The following JAZF1 variants were observed in gnomAD, a reference collection of about 807,000 sequenced individuals.
JAZF1 encodes JAZF zinc finger 1.
In JAZF1, 8 loss-of-function variants were observed where a neutral mutation model predicts 26.4. The ratio of observed to expected loss-of-function variants is 0.30; its 90% CI spans 0.18 to 0.55. The LOEUF is 0.55. Ranked by LOEUF, JAZF1 falls within the 20% of genes least tolerant of loss-of-function variation. The pLI is 0.94. For synonymous variants in JAZF1, 126 were observed against 122.3 expected (o/e 1.03, Z -0.20); for missense variants, 199 against 322.0 (o/e 0.62, Z 2.92).
At chr7:28,168,070 T>C (rs928157121) in intron 1 of JAZF1, among the ~76,000 whole-genome samples, 2 of 152,162 alleles carry the variant, frequency 1.3e-5, no homozygotes, top group African/African-American at 4.8e-5. Context: ...AACCCATCTG[T>C]ATTAGTTACC....
chr7:27,887,426 A>ATTTC (rs1247387467), intron 3 of JAZF1, among the ~76,000 whole-genome samples: 2 of 151,880 alleles, frequency 1.3e-5, no homozygotes, highest in Non-Finnish European at 2.9e-5. Context: ...TTATTTATTT[A>ATTTC]TTTATTTGAG....
intron 2 of JAZF1, among the ~76,000 whole-genome samples, chr7:27,939,316 G>T (rs1229672047): frequency 1.3e-5 from 2 of 152,232 alleles, no homozygotes; most frequent in African/African-American, 2.4e-5. Flanking sequence ...TAAAATAGGT[G>T]GAAATCACAG....
Position 27,831,379 on chromosome 7 carries a change from C to A in JAZF1, c.*1421G>T, listed in dbSNP as rs1037870047. The stretch of plus-strand genomic sequence containing the variant: ...AAGCAATTTGAGTTTGTTTTATGGG[C>A]AGTTAGCTATCTCAAAGCATTTTTT... On this transcript the variant is annotated 3_prime_UTR_variant, in exon 5 of 5. Coordinates refer to ENST00000283928, the MANE Select transcript of JAZF1 (RefSeq NM_175061.4). 4.4e-6 allele frequency: 1 copy of A among 227,378 alleles called. No individual in the cohort carries two copies. Among genetic ancestry groups the A allele is most frequent in the African/African-American group, 2.2e-5 (1 of 45,018 alleles). 14.1% of individuals were successfully genotyped at this position (227,378 alleles called of 1,614,324 possible). A position where few individuals can be genotyped will look rare whatever the true frequency, so the allele number is the denominator to read the frequency against.
At chr7:27,863,063 T>C (rs1783411117) in intron 3 of JAZF1, among the ~76,000 whole-genome samples, 1 of 152,170 alleles carries the variant, frequency 6.6e-6, no homozygotes, top group Non-Finnish European at 1.5e-5. Flanking sequence ...GACAGGGCTG[T>C]CTGGGCTTCT....
intron 3 of JAZF1, among the ~76,000 whole-genome samples, chr7:27,849,328 C>T (rs1304277386): frequency 1.3e-5 from 2 of 152,216 alleles, no homozygotes; most frequent in Non-Finnish European, 2.9e-5. Context: ...GTGGTCCAGT[C>T]TTCCAAAGGC....
intron 2 of JAZF1, among the ~76,000 whole-genome samples, chr7:27,972,496 T>G (rs1209476604): frequency 6.6e-6 from 1 of 152,162 alleles, no homozygotes; most frequent in Non-Finnish European, 1.5e-5. Context: ...ATGTTGGCCA[T>G]GATAAGAAGT....
chr7:27,979,405 T>TC (rs1368873651), intron 2 of JAZF1, among the ~76,000 whole-genome samples: 1 of 84,190 alleles, frequency 1.2e-5, no homozygotes, highest in African/African-American at 4.8e-5. Flanking sequence ...TTTTTTTTTT[T>TC]AGAAACAGAG....
At chr7:28,027,999 G>A (rs1490502679) in intron 1 of JAZF1, among the ~76,000 whole-genome samples, 3 of 152,118 alleles carry the variant, frequency 2.0e-5, no homozygotes, top group Non-Finnish European at 4.4e-5. Flanking sequence ...AAACCCAGAT[G>A]ATCATGAAGA....
intron 2 of JAZF1, among the ~76,000 whole-genome samples, chr7:27,966,287 C>T (rs1785273909): frequency 6.6e-6 from 1 of 152,136 alleles, no homozygotes; most frequent in Admixed American, 6.5e-5. Context: ...GAGGGTGCTG[C>T]TTTTCTTTAA....
chr7:27,968,398 T>G (rs929245857), intron 2 of JAZF1, among the ~76,000 whole-genome samples: 4 of 152,238 alleles, frequency 2.6e-5, no homozygotes, highest in African/African-American at 9.6e-5. Context: ...TTCCAGAGCC[T>G]GAGCCTGGTC....
At chr7:27,926,910 G>A (rs1360542855) in intron 2 of JAZF1, among the ~76,000 whole-genome samples, 1 of 152,204 alleles carries the variant, frequency 6.6e-6, no homozygotes, top group Non-Finnish European at 1.5e-5. Flanking sequence ...TTGATATCAT[G>A]ACAACAGCAG....
At chr7:28,176,387 G>A (rs895644942) in intron 1 of JAZF1, among the ~76,000 whole-genome samples, 4 of 152,210 alleles carry the variant, frequency 2.6e-5, no homozygotes, top group Non-Finnish European at 4.4e-5. Context: ...CCTGCGCCCA[G>A]AATGTCCTCA....
chr7:27,963,818 T>C (rs952382924), intron 2 of JAZF1, among the ~76,000 whole-genome samples: 1 of 152,182 alleles, frequency 6.6e-6, no homozygotes, highest in Non-Finnish European at 1.5e-5. Flanking sequence ...TTCTCCTACC[T>C]TGGGCTCCCA....
chr7:27,985,800 T>C (rs1307520095), intron 2 of JAZF1, among the ~76,000 whole-genome samples: 2 of 152,200 alleles, frequency 1.3e-5, no homozygotes, highest in Non-Finnish European at 2.9e-5. Context: ...TGGTTCAACA[T>C]ACTCAAATCA....
chr7:28,178,152 TCTGG>T (rs1783575418), intron 1 of JAZF1, among the ~76,000 whole-genome samples: 1 of 152,200 alleles, frequency 6.6e-6, no homozygotes, highest in Non-Finnish European at 1.5e-5. Context: ...ACACTAGCCT[TCTGG>T]GAATGAGGTA....
intron 1 of JAZF1, among the ~76,000 whole-genome samples, chr7:28,122,421 G>A (rs2127938443): frequency 6.6e-6 from 1 of 152,206 alleles, no homozygotes; most frequent in African/African-American, 2.4e-5. Flanking sequence ...CCATGACCCA[G>A]GTCAGCCTAA....
At chr7:27,834,873 A>C (rs887910754) in intron 4 of JAZF1, among the ~76,000 whole-genome samples, 2 of 152,204 alleles carry the variant, frequency 1.3e-5, no homozygotes, top group East Asian at 3.8e-4. Flanking sequence ...TAAGCCATGT[A>C]TTGTGTGTGT....
At chr7:28,071,269 C>A (rs1028063614) in intron 1 of JAZF1, among the ~76,000 whole-genome samples, 14 of 152,124 alleles carry the variant, frequency 9.2e-5, no homozygotes, top group African/African-American at 3.4e-4. Context: ...GCGTTCATAA[C>A]GTTATGAAAA....
rs572241367 is a variant in JAZF1 at position 27,987,547 on chromosome 7, C to T, written c.188+4362G>A. Among the ~76,000 whole-genome samples, 13 of 152,046 alleles carry T rather than the reference C, an allele frequency of 8.6e-5. 1 individual carries two copies. Among genetic ancestry groups the T allele is most frequent in the Middle Eastern group, 6.8e-3 (2 of 292 alleles). On this transcript the variant is annotated intron_variant, in intron 2 of 4. Coordinates refer to ENST00000283928, the MANE Select transcript of JAZF1 (RefSeq NM_175061.4). Reference sequence around the variant, plus strand: ...CGGGGGCAGCCCCTGCCCGGCCAGCCGCCCTGTCCGGGAGGGAGGTGGGGG... The same window carrying T: ...CGGGGGCAGCCCCTGCCCGGCCAGCTGCCCTGTCCGGGAGGGAGGTGGGGG...
Sources: allele counts gnomAD v4.1 joint callset (sites outside exome capture counted in the v4.1 genomes callset), GRCh38; gene constraint gnomAD v4.1.1; transcripts MANE v1.5; gene names NCBI Gene and HGNC (gene_info 2026-07-23, HGNC 2026-07-21).